AJAP1: variants seen among roughly 807,000 people sequenced by gnomAD.
The protein encoded by AJAP1 is adherens junctions associated protein 1, also known as adherens junction-associated protein 1.
A neutral mutation model predicts 35.0 loss-of-function variants in AJAP1; 5 were observed. The ratio of observed to expected loss-of-function variants is 0.14; its 90% CI spans 0.07 to 0.30. AJAP1 has a LOEUF of 0.30. Among genes scored for constraint, AJAP1 ranks in the 10% least tolerant of loss-of-function variants. The probability of loss-of-function intolerance (pLI) is 1.00; values close to 1 mark genes in which losing one functional copy is unlikely to be tolerated. For missense variants in AJAP1, 586 were observed against 571.0 expected, an observed-to-expected ratio of 1.03 and a Z score of -0.27; for synonymous variants, 284 against 249.3, an observed-to-expected ratio of 1.14 and a Z score of -1.31.
At chr1:4,747,899 C>T (rs142796410) in intron 2 of AJAP1, among the ~76,000 whole-genome samples, 1,903 of 150,994 alleles carry the variant, frequency 0.013, 41 homozygotes, top group African/African-American at 0.044. Context: ...GGCTGAGGCA[C>T]GAGAATCACT....
At chr1:4,682,972 T>C (rs1376011620) in intron 1 of AJAP1, among the ~76,000 whole-genome samples, 4 of 152,188 alleles carry the variant, frequency 2.6e-5, no homozygotes, top group South Asian at 4.1e-4. Context: ...GCCTGCACCA[T>C]TTTCCAGCTA....
intron 1 of AJAP1, among the ~76,000 whole-genome samples, chr1:4,674,691 G>T (rs1449535694): frequency 1.3e-5 from 2 of 152,170 alleles, no homozygotes; most frequent in Non-Finnish European, 2.9e-5. Context: ...CCTTTCCTGG[G>T]CTCTGGTTCA....
At chr1:4,681,453 A>G (rs1017054695) in intron 1 of AJAP1, among the ~76,000 whole-genome samples, 1 of 152,198 alleles carries the variant, frequency 6.6e-6, no homozygotes, top group Admixed American at 6.5e-5. Context: ...TGAGGCAGCC[A>G]GGGTTCTAGG....
At chr1:4,660,070 C>CGAA (rs909356501) in intron 1 of AJAP1, among the ~76,000 whole-genome samples, 1 of 152,252 alleles carries the variant, frequency 6.6e-6, no homozygotes, top group Non-Finnish European at 1.5e-5. Context: ...GCGGCAGACA[C>CGAA]GGAGCTGTCA....
At chr1:4,706,910 A>G (rs974989322) in intron 1 of AJAP1, among the ~76,000 whole-genome samples, 1 of 152,246 alleles carries the variant, frequency 6.6e-6, no homozygotes, top group African/African-American at 2.4e-5. Context: ...GAGACGGAGC[A>G]GTTGTTCCCC....
chr1:4,707,533 T>C (rs984312048), intron 1 of AJAP1, among the ~76,000 whole-genome samples: 11 of 152,226 alleles, frequency 7.2e-5, no homozygotes, highest in African/African-American at 2.7e-4. Context: ...GTGCCTGGCT[T>C]CTTTCCCTGC....
chr1:4,788,000 G>T lies in AJAP1; in HGVS notation c.*5515G>T, dbSNP rs1012923543. 9.9e-6 allele frequency: 3 copies of T among 303,842 alleles called. No individual in the cohort carries two copies. Among genetic ancestry groups the T allele is most frequent in the African/African-American group, 2.2e-5 (1 of 44,922 alleles). The allele number at this position is 303,842 out of a possible 1,614,324, so 18.8% of individuals were successfully genotyped here. A position where few individuals can be genotyped will look rare whatever the true frequency, so the allele number is the denominator to read the frequency against. Reference sequence around the variant, plus strand: ...AATTTGCTCTACCATACTGTTTTTTGATTATTTGTTTGTTTTCTAGTGTAA... The same window carrying T: ...AATTTGCTCTACCATACTGTTTTTTTATTATTTGTTTGTTTTCTAGTGTAA... On this transcript the variant is annotated 3_prime_UTR_variant, in exon 6 of 6. Transcript: ENST00000378191.
At chr1:4,715,063 T>C (rs1640357460) in intron 2 of AJAP1, among the ~76,000 whole-genome samples, 1 of 152,086 alleles carries the variant, frequency 6.6e-6, no homozygotes, top group Non-Finnish European at 1.5e-5. Flanking sequence ...AAAACAACTG[T>C]TTAAGCTTCC....
chr1:4,745,667 C>T (rs918100140), intron 2 of AJAP1, among the ~76,000 whole-genome samples: 6 of 152,324 alleles, frequency 3.9e-5, no homozygotes, highest in Non-Finnish European at 7.4e-5. Context: ...GAAAGGCCTC[C>T]TCCAAGAGGT....
intron 3 of AJAP1, among the ~76,000 whole-genome samples, chr1:4,770,604 CTG>C (rs1221286132): frequency 6.6e-6 from 1 of 152,192 alleles, no homozygotes; most frequent in East Asian, 1.9e-4. Context: ...CCTCCAGCAA[CTG>C]TGTCTCCTTT....
At position 4,731,939 on chromosome 1, in the gene AJAP1, G is replaced by A. The variant is rs3820254; in HGVS notation, c.829+19240G>A. 3.3e-5 allele frequency among the ~76,000 whole-genome samples: 5 copies of A among 152,296 alleles called. No individual in the cohort carries two copies. In the East Asian group the frequency reaches 7.8e-4, roughly 24 times the overall value. ...CTCTTCTCCATGCTGCCCTTCCATC[G>A]GACACCCCCTGGGTGGCCAGGAGGC... On this transcript the variant is annotated intron_variant, in intron 2 of 5. Coordinates refer to ENST00000378191, the MANE Select transcript of AJAP1 (RefSeq NM_018836.4).
At chr1:4,772,576 T>A (rs1641861372) in intron 4 of AJAP1, 51 bp downstream of exon 4, 1 of 1,598,252 alleles carries the variant, frequency 6.3e-7, no homozygotes, top group Non-Finnish European at 8.6e-7. Context: ...TTGGTGCTCC[T>A]GACCCCCGGG....
rs1170337192 is a variant in AJAP1 at position 4,654,722 on chromosome 1, C to G, written c.-704C>G. 1 of 146,972 alleles carries G rather than the reference C, an allele frequency of 6.8e-6. No homozygotes were observed. The allele number at this position is 146,972 out of a possible 1,614,324, so 9.1% of individuals were successfully genotyped here. Reference sequence around the variant, plus strand: ...CGCCTCCTCCGCGCGGCGCCGCCGCCGCGCGTCCCCACGCCCCGCGCTCCA... The same window carrying G: ...CGCCTCCTCCGCGCGGCGCCGCCGCGGCGCGTCCCCACGCCCCGCGCTCCA... On this transcript the variant is annotated 5_prime_UTR_variant, in exon 1 of 6. Coordinates refer to ENST00000378191, the MANE Select transcript of AJAP1 (RefSeq NM_018836.4). This position sits in a 1 kb window ranked among gnomAD's most constrained non-coding sequence, Gnocchi z 5.1.
intron 2 of AJAP1, among the ~76,000 whole-genome samples, chr1:4,756,954 T>C (rs1641445509): frequency 6.6e-6 from 1 of 152,166 alleles, no homozygotes; most frequent in African/African-American, 2.4e-5. Context: ...ATCTCTGTCA[T>C]GCAGCCACAC....
chr1:4,680,058 G>A (rs72637582), intron 1 of AJAP1, among the ~76,000 whole-genome samples: 12,305 of 152,190 alleles, frequency 0.081, 702 homozygotes, highest in East Asian at 0.22. Context: ...TGATGTTTCC[G>A]TTTGAGTCTG....
intron 1 of AJAP1, among the ~76,000 whole-genome samples, chr1:4,685,370 A>G (rs1251197229): frequency 6.6e-6 from 1 of 152,222 alleles, no homozygotes; most frequent in Non-Finnish European, 1.5e-5. Context: ...CACAGCGCTG[A>G]GCACAGCCTC....
At chr1:4,671,827 G>C (rs911167000) in intron 1 of AJAP1, among the ~76,000 whole-genome samples, 2 of 152,222 alleles carry the variant, frequency 1.3e-5, no homozygotes, top group Non-Finnish European at 2.9e-5. Context: ...GAAACAAGGT[G>C]CTTCACGAGG....
At chr1:4,699,411 C>G (rs1023035951) in intron 1 of AJAP1, among the ~76,000 whole-genome samples, 2 of 152,178 alleles carry the variant, frequency 1.3e-5, no homozygotes, top group African/African-American at 2.4e-5. Context: ...TTCGTAAATA[C>G]CAACATAACA....
rs992152257 is a variant in AJAP1 at position 4,723,320 on chromosome 1, T to C, written c.829+10621T>C. ...CGCCTGTGGATACTCCTTGGATTCC[T>C]GAGTCTGCCACTCGGGGGCTGGTGC... On this transcript the variant is annotated intron_variant, in intron 2 of 5. Transcript: ENST00000378191. The surrounding 1 kb of genome is among the most constrained non-coding windows in gnomAD (Gnocchi z 4.3). Among the ~76,000 whole-genome samples the C allele has an allele frequency of 3.3e-5, 5 of 152,198 alleles. No homozygotes were observed. The highest frequency in any genetic ancestry group is 4.4e-5 in the Non-Finnish European group (3 of 68,036).
Sources: allele counts gnomAD v4.1 joint callset (sites outside exome capture counted in the v4.1 genomes callset), GRCh38; gene constraint gnomAD v4.1.1; non-coding constraint Gnocchi (gnomAD v3.1); transcripts MANE v1.5; gene names NCBI Gene and HGNC (gene_info 2026-07-23, HGNC 2026-07-21).